Variants in NAV2 observed in about 807,000 individuals in gnomAD.
NAV2 encodes helicase, APC down-regulated 1.
In NAV2, 54 loss-of-function variants were observed where a neutral mutation model predicts 223.2. The observed-to-expected ratio is 0.24, with a 90% CI of 0.19 to 0.30. The LOEUF is 0.30. Among genes scored for constraint, NAV2 ranks in the 10% least tolerant of loss-of-function variants. The probability of loss-of-function intolerance (pLI) is 1.00; values close to 1 mark genes in which losing one functional copy is unlikely to be tolerated. For missense variants in NAV2, 2,806 were observed against 3,147.5 expected (o/e 0.89, Z 2.60); for synonymous variants, 1,279 against 1,239.3 (o/e 1.03, Z -0.67).
In NAV2 at chr11:19,831,001, G is replaced by A. The variant is rs917973730; in HGVS notation, c.268-1483G>A. Among the ~76,000 whole-genome samples, 3 of 152,070 alleles carry A rather than the reference G, an allele frequency of 2.0e-5. No individual in the cohort carries two copies. The East Asian group carries it at 5.8e-4, about 29-fold the overall frequency. On this transcript the variant is annotated intron_variant, in intron 1 of 37. Transcript: ENST00000349880. ...GTTGTGAAATAGAAGGTCACTGTGG[G>A]TGCACCTTTGCAGTGGAAGACAGAG...
At chr11:20,005,937 TGA>T (rs2053028700) in intron 11 of NAV2, among the ~76,000 whole-genome samples, 9 of 152,186 alleles carry the variant, frequency 5.9e-5, no homozygotes, top group Non-Finnish European at 1.2e-4. Flanking sequence ...GACAACTCAG[TGA>T]GATTTCATCA....
intron 10 of NAV2, among the ~76,000 whole-genome samples, chr11:19,966,415 C>T (rs1287194370): frequency 3.3e-5 from 5 of 152,136 alleles, no homozygotes; most frequent in South Asian, 2.1e-4. Context: ...GAGCATGGTG[C>T]ATCATGGGCC....
intron 1 of NAV2, among the ~76,000 whole-genome samples, chr11:19,738,711 T>G (rs1245268148): frequency 6.6e-6 from 1 of 152,152 alleles, no homozygotes; most frequent in Non-Finnish European, 1.5e-5. Flanking sequence ...GGTTTTAGTG[T>G]TTGGGCTTTG....
intron 1 of NAV2, among the ~76,000 whole-genome samples, chr11:19,616,992 T>C (rs1435246828): frequency 1.3e-5 from 2 of 152,016 alleles, no homozygotes; most frequent in Non-Finnish European, 2.9e-5. Context: ...AACATGGGTC[T>C]CATAACGTTA....
rs539827006 is a variant in NAV2 at position 19,935,445 on chromosome 11, C to T, written c.2033+1168C>T. 8.5e-5 allele frequency among the ~76,000 whole-genome samples: 13 copies of T among 152,310 alleles called. No homozygotes were observed. In the East Asian group the frequency reaches 1.5e-3, roughly 18 times the overall value. Reference sequence around the variant, plus strand: ...AAATGCAAAGGCACATGTGCATACCCGTATTTACATACCTGTTCAGGTGCA... The same window carrying T: ...AAATGCAAAGGCACATGTGCATACCTGTATTTACATACCTGTTCAGGTGCA... On this transcript the variant is annotated intron_variant, in intron 7 of 37. Transcript: ENST00000349880.
At chr11:19,583,277 G>A (rs909106296) in intron 1 of NAV2, among the ~76,000 whole-genome samples, 1 of 152,134 alleles carries the variant, frequency 6.6e-6, no homozygotes, top group African/African-American at 2.4e-5. Context: ...GAGATTTTGG[G>A]CTGAGACGAT....
rs372267018 is a variant in NAV2, at chr11:19,933,319, C to A, written c.1075C>A (p.Arg359Ser). Residue 359 changes from arginine to serine, a missense_variant, in exon 7 of 38, where the codon CGC becomes AGC. Coordinates refer to ENST00000349880, the MANE Select transcript of NAV2 (RefSeq NM_145117.5). This position sits in a 1 kb window ranked among gnomAD's most constrained non-coding sequence, Gnocchi z 4.3. ...GCCCGGTGCAGCCACCAAGCCTTGG[C>A]GCAGCAAATCCCTCAGCGTGAAGCA... Reference protein sequence around the residue: ...PQPGAATKPWRSKSLSVKHSA... With the variant: ...PQPGAATKPWSSKSLSVKHSA... 1.9e-6 allele frequency: 3 copies of A among 1,613,032 alleles called. No homozygotes were observed. The highest frequency in any genetic ancestry group is 1.3e-5 in the African/African-American group (1 of 74,894).
chr11:19,548,835 G>A (rs909641646), intron 1 of NAV2, among the ~76,000 whole-genome samples: 36 of 139,854 alleles, frequency 2.6e-4, no homozygotes, highest in African/African-American at 9.0e-4. Flanking sequence ...CCAAGATCAT[G>A]CCACAGCACT....
chr11:19,795,081 C>T (rs2057792532), intron 1 of NAV2, among the ~76,000 whole-genome samples: 1 of 152,192 alleles, frequency 6.6e-6, no homozygotes, highest in Non-Finnish European at 1.5e-5. Context: ...GTTGAATAAC[C>T]TGTCCAGTGC....
At chr11:19,944,613 CTT>C (rs781659037) in intron 8 of NAV2, among the ~76,000 whole-genome samples, 9 of 133,298 alleles carry the variant, frequency 6.8e-5, no homozygotes, top group Non-Finnish European at 1.1e-4. Context: ...TTTCTTTCTT[CTT>C]TCTTTTTCTT....
intron 1 of NAV2, among the ~76,000 whole-genome samples, chr11:19,679,725 T>C (rs1167239607): frequency 6.6e-6 from 1 of 152,212 alleles, no homozygotes; most frequent in Non-Finnish European, 1.5e-5. Context: ...CCTTCCTTTT[T>C]GGCGGTTCTT....
At chr11:19,991,266 C>T (rs796935520) in intron 11 of NAV2, among the ~76,000 whole-genome samples, 16 of 152,284 alleles carry the variant, frequency 1.1e-4, no homozygotes, top group African/African-American at 3.6e-4. Flanking sequence ...GCTGGGATTA[C>T]AGGTGCATGC....
chr11:19,767,471 C>T (rs1046758364), intron 1 of NAV2, among the ~76,000 whole-genome samples: 1 of 152,178 alleles, frequency 6.6e-6, no homozygotes, highest in Admixed American at 6.5e-5. Context: ...TGTCACCTCA[C>T]TGAATTATTA....
chr11:20,049,959 T>G, intron 16 of NAV2, 58 bp downstream of exon 16: 1 of 1,548,424 alleles, frequency 6.5e-7, no homozygotes, highest in South Asian at 1.1e-5. Flanking sequence ...GCCCATTCGT[T>G]GTCAAGCCAG....
intron 1 of NAV2, among the ~76,000 whole-genome samples, chr11:19,781,557 T>C (rs1466047028): frequency 6.6e-6 from 1 of 151,930 alleles, no homozygotes; most frequent in Non-Finnish European, 1.5e-5. Flanking sequence ...CTTTGACCTT[T>C]CCCCAGAGAG....
rs556807285 is a variant in NAV2, at chr11:19,705,171, A to G, written c.76-127313A>G. Among the ~76,000 whole-genome samples, 272 of 152,314 alleles carry G rather than the reference A, an allele frequency of 1.8e-3. 1 individual carries two copies. Among genetic ancestry groups the G allele is most frequent in the Non-Finnish European group, 3.4e-3 (234 of 68,034 alleles). On this transcript the variant is annotated intron_variant, in intron 1 of 37. Coordinates refer to the NAV2 transcript ENST00000360655. Reference sequence around the variant, plus strand: ...GGGTGGAGAATTAAAAATAACAAGCAGACAAACAAACAAAACAAACCTTGC... The same window carrying G: ...GGGTGGAGAATTAAAAATAACAAGCGGACAAACAAACAAAACAAACCTTGC...
intron 1 of NAV2, among the ~76,000 whole-genome samples, chr11:19,744,439 GA>G (rs1206851237): frequency 4.6e-5 from 7 of 152,216 alleles, no homozygotes; most frequent in Non-Finnish European, 1.0e-4. Flanking sequence ...CCCATTTAGA[GA>G]GACAGTGAGT....
At chr11:19,882,712 A>G (rs1565488781) in intron 5 of NAV2, among the ~76,000 whole-genome samples, 1 of 152,226 alleles carries the variant, frequency 6.6e-6, no homozygotes, top group African/African-American at 2.4e-5. Context: ...TTACCTAAAG[A>G]AGAGCCAAAC....
intron 1 of NAV2, among the ~76,000 whole-genome samples, chr11:19,428,448 C>A (rs991410940): frequency 6.6e-6 from 1 of 152,168 alleles, no homozygotes; most frequent in Non-Finnish European, 1.5e-5. Context: ...GCTAGTGTAC[C>A]TTCTTGGCTG....
Sources: allele counts gnomAD v4.1 joint callset (sites outside exome capture counted in the v4.1 genomes callset), GRCh38; gene constraint gnomAD v4.1.1; non-coding constraint Gnocchi (gnomAD v3.1); transcripts MANE v1.5; gene names NCBI Gene and HGNC (gene_info 2026-07-23, HGNC 2026-07-21).